Variants in NRG3 observed in about 807,000 individuals in gnomAD.
NRG3 encodes the protein neuregulin 3, also known as pro-neuregulin-3, membrane-bound isoform.
Under a neutral mutation model 66.9 loss-of-function variants are expected in NRG3, and 31 were observed. That is an observed-to-expected ratio of 0.46 (90% CI 0.35 to 0.63). The LOEUF (loss-of-function observed/expected upper bound fraction) is 0.63, where lower values mean the gene tolerates loss of function less well. NRG3 is among the 20% of genes least tolerant of loss of function. The probability of loss-of-function intolerance (pLI) is 0.00; values close to 1 mark genes in which losing one functional copy is unlikely to be tolerated. For missense variants in NRG3, 910 were observed against 878.9 expected (o/e 1.04, Z -0.45); for synonymous variants, 393 against 359.4 (o/e 1.09, Z -1.06).
chr10:82,347,432 C>A lies in NRG3; in HGVS notation c.824-11307C>A, dbSNP rs376740182. 2.6e-5 allele frequency among the ~76,000 whole-genome samples: 4 copies of A among 152,050 alleles called. No individual in the cohort carries two copies. In the South Asian group the frequency reaches 8.3e-4, roughly 32 times the overall value. Reference sequence around the variant, plus strand: ...TTTGATTGCACTGTGGTCTGAGAGACAGTTTGTTATAATCTCTGTTCTTTT... The same window carrying A: ...TTTGATTGCACTGTGGTCTGAGAGAAAGTTTGTTATAATCTCTGTTCTTTT... On this transcript the variant is annotated intron_variant, in intron 1 of 8. Transcript: ENST00000372141.
At chr10:82,164,926 A>T (rs187190617) in intron 1 of NRG3, among the ~76,000 whole-genome samples, 72 of 152,246 alleles carry the variant, frequency 4.7e-4, no homozygotes, top group Admixed American at 2.0e-3. Flanking sequence ...TTAGCCTTCT[A>T]ATCTTTTTCA....
At chr10:82,849,548 G>A (rs1281949840) in intron 3 of NRG3, among the ~76,000 whole-genome samples, 1 of 152,132 alleles carries the variant, frequency 6.6e-6, no homozygotes, top group Non-Finnish European at 1.5e-5. Context: ...ATTGTTAGGA[G>A]TAAAGAAAAG....
chr10:82,589,158 C>T lies in NRG3; in HGVS notation c.954-149419C>T, dbSNP rs148638718. 4.5e-3 allele frequency among the ~76,000 whole-genome samples: 679 copies of T among 152,122 alleles called. 11 individuals are homozygous for T. The highest frequency in any genetic ancestry group is 0.015 in the African/African-American group (634 of 41,484). ...TCCCAGATCCTGCTTGGAAAATTGC[C>T]GCTGTTCATATCAATTATTTTTCAG... On this transcript the variant is annotated intron_variant, in intron 2 of 8. Transcript: ENST00000372141.
chr10:82,365,738 A>T (rs2084478712), intron 2 of NRG3, among the ~76,000 whole-genome samples: 1 of 151,740 alleles, frequency 6.6e-6, no homozygotes, highest in Admixed American at 6.5e-5. Flanking sequence ...TTCAACCAAC[A>T]CATCATTTAG....
rs186459303 is a variant in NRG3 at position 82,633,494 on chromosome 10, C to A, written c.954-105083C>A. Among the ~76,000 whole-genome samples the A allele has an allele frequency of 8.6e-4, 131 of 152,194 alleles. 3 individuals are homozygous for A. Among genetic ancestry groups the A allele is most frequent in the Admixed American group, 6.5e-3 (99 of 15,288 alleles). ...AGAGTTGGGAGGGTGAAAAAGCGGA[C>A]AAGTGTAACGCCATTAATCATGATC... On this transcript the variant is annotated intron_variant, in intron 2 of 8. Coordinates refer to ENST00000372141, the MANE Select transcript of NRG3 (RefSeq NM_001010848.4).
intron 2 of NRG3, among the ~76,000 whole-genome samples, chr10:82,434,807 G>A (rs2136361614): frequency 6.6e-6 from 1 of 152,166 alleles, no homozygotes; most frequent in African/African-American, 2.4e-5. Flanking sequence ...ACTTGATCGT[G>A]GTGGATAAGT....
intron 2 of NRG3, among the ~76,000 whole-genome samples, chr10:82,633,363 C>G (rs749208342): frequency 2.0e-5 from 3 of 152,076 alleles, no homozygotes; most frequent in Non-Finnish European, 4.4e-5. Context: ...TTTCTCTGAG[C>G]AAAGAAGGGG....
intron 5 of NRG3, chr10:82,955,196 A>G (rs1331332389): frequency 6.6e-6 from 1 of 151,884 alleles, no homozygotes; most frequent in Non-Finnish European, 1.5e-5. Context: ...ATCAGAAGGA[A>G]TATTACAGCA....
intron 1 of NRG3, among the ~76,000 whole-genome samples, chr10:81,991,394 C>T (rs1200514539): frequency 6.6e-6 from 1 of 152,156 alleles, no homozygotes; most frequent in Admixed American, 6.6e-5. Context: ...CCTCAGCACT[C>T]ATGCTCAAAG....
chr10:82,351,819 A>G (rs1479101617), intron 1 of NRG3, among the ~76,000 whole-genome samples: 1 of 152,226 alleles, frequency 6.6e-6, no homozygotes, highest in Non-Finnish European at 1.5e-5. Context: ...ACCCACAAAA[A>G]TGTATAAGTA....
intron 1 of NRG3, among the ~76,000 whole-genome samples, chr10:82,193,076 T>C (rs536204966): frequency 6.6e-6 from 1 of 152,164 alleles, no homozygotes; most frequent in Non-Finnish European, 1.5e-5. Context: ...AAGAATTAGA[T>C]ATTTATTATA....
chr10:82,013,081 A>G (rs574706197), intron 1 of NRG3, among the ~76,000 whole-genome samples: 12 of 152,298 alleles, frequency 7.9e-5, no homozygotes, highest in African/African-American at 2.9e-4. Context: ...TGCTACTAAT[A>G]AAGACTTAAC....
intron 2 of NRG3, among the ~76,000 whole-genome samples, chr10:82,400,015 G>A (rs1440657066): frequency 1.3e-5 from 2 of 152,130 alleles, no homozygotes; most frequent in Non-Finnish European, 2.9e-5. Context: ...GCCCTTAAGG[G>A]AGATGAATGG....
chr10:82,773,935 C>CT (rs1419792941), intron 3 of NRG3, among the ~76,000 whole-genome samples: 1 of 152,144 alleles, frequency 6.6e-6, no homozygotes, highest in Non-Finnish European at 1.5e-5. Context: ...CTTTGTGACA[C>CT]TTTTTTTCTG....
intron 1 of NRG3, among the ~76,000 whole-genome samples, chr10:82,208,650 G>A (rs2075249265): frequency 1.3e-5 from 2 of 150,144 alleles, no homozygotes; most frequent in Admixed American, 1.3e-4. Flanking sequence ...ACACGTATGA[G>A]GGGAAAAAAA....
intron 1 of NRG3, among the ~76,000 whole-genome samples, chr10:82,136,264 T>A (rs1019277298): frequency 2.0e-5 from 3 of 152,204 alleles, no homozygotes; most frequent in Non-Finnish European, 2.9e-5. Context: ...CCATTGGAAC[T>A]GCTCTGGTTC....
At chr10:82,738,749 T>C in intron 3 of NRG3, 99 bp downstream of exon 3, 1 of 1,065,308 alleles carries the variant, frequency 9.4e-7, no homozygotes, top group Non-Finnish European at 1.4e-6. Context: ...TTCAGTCTTG[T>C]GTCTCTGAAA....
chr10:82,147,608 G>A (rs1462698157), intron 1 of NRG3, among the ~76,000 whole-genome samples: 2 of 152,202 alleles, frequency 1.3e-5, no homozygotes, highest in African/African-American at 4.8e-5. Flanking sequence ...ACCCTGCCCA[G>A]CCTGAGCTGC....
chr10:82,229,822 G>A (rs542700466), intron 1 of NRG3, among the ~76,000 whole-genome samples: 2 of 152,124 alleles, frequency 1.3e-5, no homozygotes, highest in African/African-American at 4.8e-5. Context: ...ATTAAGTATA[G>A]GAAAGAATAG....
Sources: allele counts gnomAD v4.1 joint callset (sites outside exome capture counted in the v4.1 genomes callset), GRCh38; gene constraint gnomAD v4.1.1; transcripts MANE v1.5; gene names NCBI Gene and HGNC (gene_info 2026-07-23, HGNC 2026-07-21).